Variants in ARNT observed in about 807,000 individuals in gnomAD.
ARNT encodes the protein aryl hydrocarbon receptor nuclear translocator, also known as class E basic helix-loop-helix protein 2.
ARNT carries 30 observed loss-of-function variants against 105.0 expected under a neutral mutation model. That is an observed-to-expected ratio of 0.29 (90% CI 0.21 to 0.39). ARNT has a LOEUF of 0.39. ARNT is among the 10% of genes least tolerant of loss of function. The probability of loss-of-function intolerance (pLI) is 1.00; values close to 1 mark genes in which losing one functional copy is unlikely to be tolerated. For missense variants in ARNT, 748 were observed against 978.7 expected, an observed-to-expected ratio of 0.76 and a Z score of 3.15; for synonymous variants, 304 against 344.0, an observed-to-expected ratio of 0.88 and a Z score of 1.29.
intron 13 of ARNT, among the ~76,000 whole-genome samples, chr1:150,825,859 A>T (rs72704639): frequency 6.7e-6 from 1 of 150,062 alleles, no homozygotes; most frequent in Non-Finnish European, 1.5e-5. Flanking sequence ...AAAAAAAAAA[A>T]ACTATATAAA....
Position 150,813,331 on chromosome 1 carries a change from C to T in ARNT, c.2121G>A (p.Glu707=). 6.2e-7 allele frequency: 1 copy of T among 1,606,574 alleles called. No individual in the cohort carries two copies. The highest frequency in any genetic ancestry group is 8.5e-7 in the Non-Finnish European group (1 of 1,175,964). ...LTNRGSNFAP[E]TGQTAGQFQT... ...GGAATTGTCCTGCAGTCTGTCCAGT[C>T]TCAGGAGCTAGAAATACAGCAAGGA... Residue 707 remains glutamate, a synonymous_variant, in exon 21 of 22, where the codon GAG becomes GAA. Transcript: ENST00000358595.
chr1:150,845,125 TA>T (rs1377124730), intron 4 of ARNT, among the ~76,000 whole-genome samples: 6 of 152,030 alleles, frequency 3.9e-5, no homozygotes, highest in Admixed American at 1.3e-4. Flanking sequence ...CTGTCATTTT[TA>T]AAAAAACAGG....
At chr1:150,813,638 T>A (rs914363023) in intron 20 of ARNT, among the ~76,000 whole-genome samples, 1 of 152,104 alleles carries the variant, frequency 6.6e-6, no homozygotes, top group African/African-American at 2.4e-5. Context: ...TGGGTAGTTT[T>A]TTTTTTTTAT....
chr1:150,816,779 G>A lies in ARNT; in HGVS notation c.1802+9C>T, dbSNP rs769452519. ...GCCCTGTAAAGCAGCACATATATAC[G>A]GGGCTCACCTGAAATTCTCTGCCGG... On this transcript the variant is annotated intron_variant, in intron 18 of 21. Transcript: ENST00000358595. 4 of 1,574,112 alleles carry A rather than the reference G, an allele frequency of 2.5e-6. No homozygotes were observed. Among genetic ancestry groups the A allele is most frequent in the South Asian group, 1.2e-5 (1 of 84,358 alleles).
In ARNT at chr1:150,823,213, A is replaced by G; in HGVS notation, c.1375T>C (p.Cys459Arg). 6.2e-7 allele frequency: 1 copy of G among 1,611,710 alleles called. No individual in the cohort carries two copies. The highest frequency in any genetic ancestry group is 1.1e-5 in the South Asian group (1 of 90,690). The change falls in exon 14 of 22, where the codon TGT becomes CGT. Residue 459 changes from cysteine (C) to arginine (R), a missense_variant. Physicochemically the swap from Cys to Arg is radical, Grantham distance 180 (BLOSUM62 -3). Around this residue, in one of 4 missense-constraint regions of ARNT, gnomAD observed 360 missense variants for 411.9 expected, o/e 0.87. Coordinates refer to ENST00000358595, the MANE Select transcript of ARNT (RefSeq NM_001668.4). ...PYSDEIEYII[C>R]TNTNVKNSSQ... ...ACATACTTCACATTGGTGTTGGTAC[A>G]GATGATGTACTCAATTTCATCTGAG...
At chr1:150,873,157 C>T (rs1399512712) in intron 1 of ARNT, among the ~76,000 whole-genome samples, 4 of 151,350 alleles carry the variant, frequency 2.6e-5, no homozygotes, top group Admixed American at 6.6e-5. Flanking sequence ...GGCGTGGTGG[C>T]GGGTACCTGT....
Position 150,870,358 on chromosome 1 carries a change from G to A in ARNT, c.25+6185C>T, listed in dbSNP as rs587747344. On this transcript the variant is annotated intron_variant, in intron 1 of 21. Coordinates refer to ENST00000358595, the MANE Select transcript of ARNT (RefSeq NM_001668.4). ...TCAAAGGTATTTCATATTAACAGTG[G>A]GTTTTACATTCATTTTTATTCCACA... Among the ~76,000 whole-genome samples the A allele has an allele frequency of 3.9e-5, 6 of 152,132 alleles. No individual in the cohort carries two copies. The South Asian group carries it at 1.2e-3, about 32-fold the overall frequency.
chr1:150,833,768 T>C (rs1044960561), intron 8 of ARNT, among the ~76,000 whole-genome samples: 6 of 151,338 alleles, frequency 4.0e-5, no homozygotes, highest in African/African-American at 9.7e-5. Context: ...ATAGGAAGTC[T>C]CAAATTTCTA....
chr1:150,833,077 T>C (rs1287924250), intron 8 of ARNT, among the ~76,000 whole-genome samples: 3 of 152,244 alleles, frequency 2.0e-5, no homozygotes, highest in East Asian at 1.9e-4. Context: ...TTATCGCCAA[T>C]GTGAGATGAT....
chr1:150,876,592 G>T lies in ARNT; in HGVS notation c.-25C>A. ...TGGCCGCAGATGCCACCGCCGCCGC[G>T]CCACCCCCCCCCCCAGTGGGAGGAG... On this transcript the variant is annotated 5_prime_UTR_variant, in exon 1 of 22. Coordinates refer to ENST00000358595, the MANE Select transcript of ARNT (RefSeq NM_001668.4). 1 of 1,422,510 alleles carries T rather than the reference G, an allele frequency of 7.0e-7. No homozygotes were observed. Among genetic ancestry groups the T allele is most frequent in the Non-Finnish European group, 9.2e-7 (1 of 1,081,946 alleles). 88.1% of individuals were successfully genotyped at this position (1,422,510 alleles called of 1,614,324 possible).
At position 150,810,009 on chromosome 1, in the gene ARNT, T is replaced by C. The variant is rs1285566920; in HGVS notation, c.*2012A>G. On this transcript the variant is annotated 3_prime_UTR_variant, in exon 22 of 22. Transcript: ENST00000358595. ...GTTTGTATGTCTGGAGCTTAAACTA[T>C]AGATTCCTCTGGTTGTGGGTGCCTG... 3 of 228,210 alleles carry C rather than the reference T, an allele frequency of 1.3e-5. No homozygotes were observed. The highest frequency in any genetic ancestry group is 3.6e-4 in the South Asian group (2 of 5,486). The allele number at this position is 228,210 out of a possible 1,614,324, so 14.1% of individuals were successfully genotyped here.
chr1:150,875,233 G>A (rs748069778), intron 1 of ARNT, among the ~76,000 whole-genome samples: 1 of 151,478 alleles, frequency 6.6e-6, no homozygotes, highest in Admixed American at 6.6e-5. Flanking sequence ...TGTAATTTTT[G>A]CGATTAATTT....
chr1:150,814,322 T>A, intron 19 of ARNT, 83 bp from the exon 20 acceptor site: 1 of 1,345,218 alleles, frequency 7.4e-7, no homozygotes. Context: ...GTCAACACTG[T>A]CAATCACTGC....
chr1:150,869,511 G>C lies in ARNT; in HGVS notation c.25+7032C>G, dbSNP rs1221691772. 2.7e-5 allele frequency among the ~76,000 whole-genome samples: 4 copies of C among 150,368 alleles called. No individual in the cohort carries two copies. In the East Asian group the frequency reaches 7.8e-4, roughly 29 times the overall value. The stretch of plus-strand genomic sequence containing the variant: ...AAACAAAACAAAATGAAGAATTATA[G>C]AATGTTACAGAAAAGATTTTAGGAA... On this transcript the variant is annotated intron_variant, in intron 1 of 21. Transcript: ENST00000358595.
At chr1:150,851,932 C>T (rs965117249) in intron 3 of ARNT, among the ~76,000 whole-genome samples, 3 of 151,678 alleles carry the variant, frequency 2.0e-5, no homozygotes, top group East Asian at 1.9e-4. Flanking sequence ...CCTGTAGTCC[C>T]GGCTACTTGG....
chr1:150,833,595 C>G (rs1659724757), intron 8 of ARNT, among the ~76,000 whole-genome samples: 1 of 152,180 alleles, frequency 6.6e-6, no homozygotes, highest in South Asian at 2.1e-4. Flanking sequence ...TAATTTCTAG[C>G]AACTATCCTC....
At chr1:150,869,653 T>C (rs1042270372) in intron 1 of ARNT, among the ~76,000 whole-genome samples, 1 of 148,272 alleles carries the variant, frequency 6.7e-6, no homozygotes, top group African/African-American at 2.5e-5. Flanking sequence ...TCAGAGATCC[T>C]CCCACCACCT....
intron 4 of ARNT, 38 bp from the exon 5 acceptor site, chr1:150,842,506 TA>T (rs770566546): frequency 2.3e-6 from 3 of 1,311,826 alleles, no homozygotes; most frequent in Non-Finnish European, 2.9e-6. Flanking sequence ...AAAATTAAAA[TA>T]AAAAAGAAGG....
chr1:150,860,606 A>C (rs1665454937), intron 1 of ARNT, among the ~76,000 whole-genome samples: 1 of 152,102 alleles, frequency 6.6e-6, no homozygotes, highest in Non-Finnish European at 1.5e-5. Context: ...CTGTAATCCC[A>C]GCACTTTGGG....
Sources: allele counts gnomAD v4.1 joint callset (sites outside exome capture counted in the v4.1 genomes callset), GRCh38; gene constraint gnomAD v4.1.1; regional missense constraint gnomAD v4.1.1; transcripts MANE v1.5; gene names NCBI Gene and HGNC (gene_info 2026-07-23, HGNC 2026-07-21).